The following PKHD1L1 variants were observed in gnomAD, a reference collection of about 807,000 sequenced individuals.
PKHD1L1 encodes the protein PKHD1 like 1, also known as fibrocystin-L.
In PKHD1L1, 434 loss-of-function variants were observed where a neutral mutation model predicts 462.9. The observed-to-expected ratio is 0.94, with a 90% CI of 0.87 to 1.02. PKHD1L1 has a LOEUF of 1.02. PKHD1L1 is among the 50% of genes least tolerant of loss of function. PKHD1L1 has a pLI of 0.00. For synonymous variants in PKHD1L1, 1,781 were observed against 1,750.0 expected (o/e 1.02, Z -0.44); for missense variants, 5,202 against 5,096.1 (o/e 1.02, Z -0.63).
intron 4 of PKHD1L1, among the ~76,000 whole-genome samples, chr8:109,383,288 T>TTC (rs1812254009): frequency 1.0e-5 from 1 of 98,778 alleles, no homozygotes; most frequent in South Asian, 2.6e-4. Flanking sequence ...GAATTATATA[T>TTC]TATGTATAAT....
In PKHD1L1 at chr8:109,449,403, A is replaced by AT; in HGVS notation, c.6092dup (p.Leu2032IlefsTer10). ...CGGATTTAATCCACAAAATTCAATT[A>AT]TATTAGTTTGTGGCTCAGAATGTGC... On this transcript the variant is annotated frameshift_variant, in exon 40 of 78. Transcript: ENST00000378402. LOFTEE classifies it high-confidence loss of function. 6.3e-7 allele frequency: 1 copy of AT among 1,590,946 alleles called. No homozygotes were observed. Among genetic ancestry groups the AT allele is most frequent in the Non-Finnish European group, 8.6e-7 (1 of 1,167,288 alleles).
In PKHD1L1 at chr8:109,436,436, A is replaced by G; in HGVS notation, c.3604A>G (p.Arg1202Gly). 1.2e-6 allele frequency: 2 copies of G among 1,613,202 alleles called. No homozygotes were observed. The highest frequency in any genetic ancestry group is 1.7e-6 in the Non-Finnish European group (2 of 1,179,662). The part of the protein sequence containing the change: ...TCNVIEGDLN[R>G]ITCRTPKKTE... ...CAATGTGATTGAAGGGGATTTGAATAGGATAACCTGCAGGACACCAAAAGT... is the reference window on the plus strand; with the variant it reads ...CAATGTGATTGAAGGGGATTTGAATGGGATAACCTGCAGGACACCAAAAGT... The change falls in exon 30 of 78, where the codon AGG (arginine) becomes GGG (glycine). Residue 1202 changes from arginine to glycine, a missense_variant. Arg to Gly is a moderately radical substitution (Grantham distance 125). Around this residue, in one of 3 missense-constraint regions of PKHD1L1, gnomAD observed 4,497 missense variants for 4,336.8 expected, o/e 1.04. Coordinates refer to ENST00000378402, the MANE Select transcript of PKHD1L1 (RefSeq NM_177531.6).
In PKHD1L1 at chr8:109,532,521, A is replaced by C. The variant is rs1196116715; in HGVS notation, c.*2431A>C. On this transcript the variant is annotated 3_prime_UTR_variant, in exon 78 of 78. Transcript: ENST00000378402. ...AGAAATTGATGTTTAAATTCTTAAA[A>C]ATAATTTGTATTGTAAGAAGTGGCT... Among the ~76,000 whole-genome samples, 1 of 152,194 alleles carries C rather than the reference A, an allele frequency of 6.6e-6. No homozygotes were observed. The highest frequency in any genetic ancestry group is 1.5e-5 in the Non-Finnish European group (1 of 68,028).
At chr8:109,480,318 G>A (rs1336888785) in intron 55 of PKHD1L1, among the ~76,000 whole-genome samples, 179 bp downstream of exon 55, 1 of 151,890 alleles carries the variant, frequency 6.6e-6, no homozygotes, top group Non-Finnish European at 1.5e-5. Context: ...TTAAATTATG[G>A]ACTAAACATT....
rs1821084463 is a variant in PKHD1L1, at chr8:109,533,427, A to G, written c.*3337A>G. Among the ~76,000 whole-genome samples, 1 of 152,202 alleles carries G rather than the reference A, an allele frequency of 6.6e-6. No individual in the cohort carries two copies. The highest frequency in any genetic ancestry group is 2.1e-4 in the South Asian group (1 of 4,836). The stretch of plus-strand genomic sequence containing the variant: ...CCAGTAAACCATTAGGCTTCTTATT[A>G]CACTGGAACAGTGCCTGGCATGTAA... On this transcript the variant is annotated 3_prime_UTR_variant, in exon 78 of 78. Coordinates refer to ENST00000378402, the MANE Select transcript of PKHD1L1 (RefSeq NM_177531.6).
intron 2 of PKHD1L1, among the ~76,000 whole-genome samples, chr8:109,368,894 G>T (rs1248174075): frequency 6.6e-6 from 1 of 151,962 alleles, no homozygotes; most frequent in Non-Finnish European, 1.5e-5. Flanking sequence ...CCATTTCCAG[G>T]GTACACTCAG....
chr8:109,486,778 C>G lies in PKHD1L1; in HGVS notation c.9837C>G (p.Arg3279=), dbSNP rs376305342. 9.9e-6 allele frequency: 16 copies of G among 1,611,986 alleles called. No individual in the cohort carries two copies. Among genetic ancestry groups the G allele is most frequent in the South Asian group, 2.2e-5 (2 of 91,004 alleles). Residue 3279 remains arginine, a synonymous_variant, in exon 59 of 78, where the codon CGC becomes CGG. Coordinates refer to ENST00000378402, the MANE Select transcript of PKHD1L1 (RefSeq NM_177531.6). Reference sequence around the variant, plus strand: ...GGTCTGAGGACTCTTTTGGAGCACGCGTACTGGTTGGCTCATTCACTGAAA... The same window carrying G: ...GGTCTGAGGACTCTTTTGGAGCACGGGTACTGGTTGGCTCATTCACTGAAA... ...PGWSEDSFGA[R]VLVGSFTENM...
At chr8:109,520,804 C>A (rs899929512) in intron 73 of PKHD1L1, among the ~76,000 whole-genome samples, 4 of 152,186 alleles carry the variant, frequency 2.6e-5, no homozygotes, top group East Asian at 3.9e-4. Flanking sequence ...GAATAAGAGG[C>A]CTTCAAGTTA....
In PKHD1L1 at chr8:109,464,675, A is replaced by C; in HGVS notation, c.7843A>C (p.Thr2615Pro). 9.9e-6 allele frequency: 16 copies of C among 1,613,514 alleles called. No individual in the cohort carries two copies. Among genetic ancestry groups the C allele is most frequent in the Non-Finnish European group, 1.4e-5 (16 of 1,179,804 alleles). ...TCCCCTTGGCGAATTTTTTAACAAT[A>C]CTGTCCATTCTCAAGGTTGGTTTGG... ...RVPLGEFFNN[T>P]VHSQGWFGMW... Residue 2615 changes from threonine (T) to proline (P), a missense_variant, in exon 49 of 78, where the codon ACT becomes CCT. This residue lies in a region of PKHD1L1 where 4,497 missense variants were observed against 4,336.8 expected (regional missense o/e 1.04). Transcript: ENST00000378402.
chr8:109,468,818 A>T (rs1563579438), intron 50 of PKHD1L1, among the ~76,000 whole-genome samples: 1 of 152,174 alleles, frequency 6.6e-6, no homozygotes, highest in Non-Finnish European at 1.5e-5. Context: ...TCCTTAGTAT[A>T]ATCGGCCACA....
chr8:109,437,161 C>G (rs947586567), intron 30 of PKHD1L1, among the ~76,000 whole-genome samples: 10 of 151,954 alleles, frequency 6.6e-5, no homozygotes, highest in Admixed American at 2.0e-4. Flanking sequence ...TGATCCACCC[C>G]CCTCAGCCTC....
intron 20 of PKHD1L1, among the ~76,000 whole-genome samples, 155 bp downstream of exon 20, chr8:109,412,569 C>T (rs1813913617): frequency 6.6e-6 from 1 of 151,872 alleles, no homozygotes; most frequent in African/African-American, 2.4e-5. Flanking sequence ...CTTGTGGTTT[C>T]CTCTTCTGAG....
At chr8:109,417,428 G>T (rs1814237104) in intron 21 of PKHD1L1, among the ~76,000 whole-genome samples, 1 of 152,070 alleles carries the variant, frequency 6.6e-6, no homozygotes, top group Non-Finnish European at 1.5e-5. Flanking sequence ...GGAGTTCATG[G>T]ATTTTCTTTA....
Position 109,465,159 on chromosome 8 carries a change from A to G in PKHD1L1, c.8327A>G (p.Asp2776Gly). Reference protein sequence around the residue: ...RCGGWSAKFVDVQYSHTPNKA... With the variant: ...RCGGWSAKFVGVQYSHTPNKA... ...GGGGGTTGGAGTGCAAAGTTTGTTGACGTCCAGTATTCTCACACACCGAAC... is the reference window on the plus strand; with the variant it reads ...GGGGGTTGGAGTGCAAAGTTTGTTGGCGTCCAGTATTCTCACACACCGAAC... The change falls in exon 49 of 78, where the codon GAC (aspartate) becomes GGC (glycine). Residue 2776 changes from aspartate to glycine, a missense_variant. By Grantham distance (94) the Asp-to-Gly change is moderately conservative (BLOSUM62 -1). Transcript: ENST00000378402. The G allele has an allele frequency of 6.2e-7, 1 of 1,613,688 alleles. No homozygotes were observed.
At chr8:109,519,477 A>G (rs970924903) in intron 73 of PKHD1L1, among the ~76,000 whole-genome samples, 2 of 152,058 alleles carry the variant, frequency 1.3e-5, no homozygotes, top group African/African-American at 4.8e-5. Flanking sequence ...CTACATATGC[A>G]TCTCTTGAGG....
At chr8:109,523,420 G>A (rs1563639028) in intron 76 of PKHD1L1, 34 bp downstream of exon 76, 1 of 1,539,160 alleles carries the variant, frequency 6.5e-7, no homozygotes, top group Non-Finnish European at 8.9e-7. Context: ...CACATATATA[G>A]CCATAAATAG....
Position 109,507,788 on chromosome 8 carries a change from G to A in PKHD1L1, c.11120G>A (p.Trp3707Ter), listed in dbSNP as rs1379480407. Reference sequence around the variant, plus strand: ...GTGATACCTCAAGCAGAATATGAATGGGACGGAAACAGCCAAGTAGGAATT... The same window carrying A: ...GTGATACCTCAAGCAGAATATGAATAGGACGGAAACAGCCAAGTAGGAATT... ...GSVIPQAEYE[W>*]DGNSQVGIGD... Residue 3707 changes from tryptophan (W) to a stop codon, truncating the protein, a stop_gained, in exon 69 of 78, where the codon TGG (tryptophan) becomes TAG (stop). Transcript: ENST00000378402. LOFTEE classifies it high-confidence loss of function. 6.8e-6 allele frequency: 11 copies of A among 1,613,430 alleles called. No homozygotes were observed. Among genetic ancestry groups the A allele is most frequent in the Non-Finnish European group, 9.3e-6 (11 of 1,179,660 alleles).
At chr8:109,432,974 T>G (rs952235090) in intron 27 of PKHD1L1, 132 bp from the exon 28 acceptor site, 6 of 635,728 alleles carry the variant, frequency 9.4e-6, no homozygotes, top group Non-Finnish European at 1.6e-5. Flanking sequence ...TTTTTCTCCC[T>G]GCTCTCCTGT....
chr8:109,518,549 C>T, intron 73 of PKHD1L1, 41 bp downstream of exon 73: 1 of 1,473,620 alleles, frequency 6.8e-7, no homozygotes. Context: ...ATGCAATTAC[C>T]AAATCCATAT....
Sources: gnomAD v4.1 joint callset for allele counts (sites outside exome capture counted in the v4.1 genomes callset) on GRCh38, gnomAD v4.1.1 for gene constraint, gnomAD v4.1.1 regional missense constraint, MANE v1.5 for transcripts, NCBI Gene and HGNC (gene_info 2026-07-23, HGNC 2026-07-21) for gene names.